LRBA: variants seen among roughly 807,000 people sequenced by gnomAD.
LRBA encodes LPS responsive beige-like anchor protein.
In LRBA, 176 loss-of-function variants were observed where a neutral mutation model predicts 330.0. That is an observed-to-expected ratio of 0.53 (90% confidence interval 0.47 to 0.60). The LOEUF is 0.60. LRBA is among the 20% of genes least tolerant of loss of function. The pLI is 0.00. For synonymous variants in LRBA, 1,230 were observed against 1,193.0 expected, an observed-to-expected ratio of 1.03 and a Z score of -0.64; for missense variants, 3,259 against 3,444.8, an observed-to-expected ratio of 0.95 and a Z score of 1.35.
chr4:150,885,141 T>C (rs1476019460), intron 17 of LRBA, among the ~76,000 whole-genome samples: 1 of 149,852 alleles, frequency 6.7e-6, no homozygotes, highest in Non-Finnish European at 1.5e-5. Context: ...ACACAAATTA[T>C]TCAACCTTTA....
At chr4:150,273,146 G>A (rs1364959085) in intron 56 of LRBA, among the ~76,000 whole-genome samples, 1 of 152,130 alleles carries the variant, frequency 6.6e-6, no homozygotes, top group African/African-American at 2.4e-5. Context: ...AAGAGAGTGG[G>A]GGCCAATATT....
intron 40 of LRBA, among the ~76,000 whole-genome samples, chr4:150,538,442 A>G (rs2152217667): frequency 6.6e-6 from 1 of 152,348 alleles, no homozygotes; most frequent in South Asian, 2.1e-4. Flanking sequence ...TAGATCATGG[A>G]AAACTGCACA....
At chr4:150,464,754 C>A (rs911152851) in intron 44 of LRBA, among the ~76,000 whole-genome samples, 5 of 152,030 alleles carry the variant, frequency 3.3e-5, no homozygotes, top group Admixed American at 1.3e-4. Context: ...ATGTGTCAGT[C>A]ACAACCCATC....
chr4:151,013,656 T>C (rs576738715), intron 2 of LRBA: 1 of 152,136 alleles, frequency 6.6e-6, no homozygotes, highest in South Asian at 2.1e-4. Context: ...AACTTAGGAG[T>C]TTGAGAACAG....
intron 37 of LRBA, among the ~76,000 whole-genome samples, chr4:150,625,870 C>A (rs924237299): frequency 2.0e-5 from 3 of 151,338 alleles, no homozygotes; most frequent in African/African-American, 7.3e-5. Flanking sequence ...CCACCACACC[C>A]GGCTAATTTT....
Position 150,844,789 on chromosome 4 carries a change from A to T in LRBA, c.4340-10T>A. 1 of 1,606,994 alleles carries T rather than the reference A, an allele frequency of 6.2e-7. No individual in the cohort carries two copies. The highest frequency in any genetic ancestry group is 8.5e-7 in the Non-Finnish European group (1 of 1,176,500). On this transcript the variant is annotated splice_polypyrimidine_tract_variant and intron_variant, in intron 26 of 56. Transcript: ENST00000651943. ...ACTGCGACTGCACAAACTGTAATTT[A>T]TTTTAAGGAAAAGATAGGGAAAGAA...
chr4:150,620,515 T>C (rs941562855), intron 37 of LRBA, among the ~76,000 whole-genome samples: 16 of 152,176 alleles, frequency 1.1e-4, no homozygotes, highest in African/African-American at 3.4e-4. Flanking sequence ...CATATGTTTA[T>C]TGCAGCACAA....
intron 51 of LRBA, among the ~76,000 whole-genome samples, chr4:150,311,983 C>G (rs978272058): frequency 3.3e-5 from 5 of 152,060 alleles, no homozygotes; most frequent in Non-Finnish European, 4.4e-5. Context: ...TACTGCAGTA[C>G]TTTGTTCCAC....
At position 150,321,363 on chromosome 4, in the gene LRBA, T is replaced by C; in HGVS notation, c.7458A>G (p.Pro2486=). ...GCTGGGCTTTGTCTGTGAACATCAATGGACTCTGCAGGAGGAGATACTGTT... is the reference window on the plus strand; with the variant it reads ...GCTGGGCTTTGTCTGTGAACATCAACGGACTCTGCAGGAGGAGATACTGTT... ...PPRGSAMQVS[P]LMFTDKAQQD... The change falls in exon 50 of 57, where the codon CCA becomes CCG. Residue 2486 remains proline, a synonymous_variant. Coordinates refer to ENST00000651943, the MANE Select transcript of LRBA (RefSeq NM_001364905.1). The surrounding 1 kb of genome is among the most constrained non-coding windows in gnomAD (Gnocchi z 4.5). The C allele has an allele frequency of 6.3e-7, 1 of 1,596,102 alleles. No homozygotes were observed. The highest frequency in any genetic ancestry group is 2.3e-5 in the East Asian group (1 of 43,694).
chr4:150,357,106 GT>G (rs1737949008), intron 47 of LRBA, among the ~76,000 whole-genome samples: 1 of 151,966 alleles, frequency 6.6e-6, no homozygotes, highest in African/African-American at 2.4e-5. Flanking sequence ...ACTAAAAGGG[GT>G]TCTATACTTC....
intron 37 of LRBA, among the ~76,000 whole-genome samples, chr4:150,641,688 GTTC>G (rs953689039): frequency 1.3e-5 from 2 of 151,946 alleles, no homozygotes; most frequent in Non-Finnish European, 2.9e-5. Context: ...ACCTTTATAT[GTTC>G]TTCTTTATAT....
intron 37 of LRBA, among the ~76,000 whole-genome samples, chr4:150,677,711 G>A (rs1238722794): frequency 2.0e-5 from 3 of 151,778 alleles, no homozygotes; most frequent in Non-Finnish European, 2.9e-5. Flanking sequence ...GGCTGAAGTG[G>A]GAGGATTACT....
At chr4:150,524,413 T>C (rs1763244561) in intron 40 of LRBA, among the ~76,000 whole-genome samples, 2 of 152,140 alleles carry the variant, frequency 1.3e-5, no homozygotes, top group African/African-American at 4.8e-5. Flanking sequence ...GACAGGGTAA[T>C]ATAGCCAGGC....
In LRBA at chr4:150,488,892, C is replaced by T. The variant is rs191420531; in HGVS notation, c.6449-1058G>A. On this transcript the variant is annotated intron_variant, in intron 41 of 56. Coordinates refer to ENST00000651943, the MANE Select transcript of LRBA (RefSeq NM_001364905.1). The stretch of plus-strand genomic sequence containing the variant: ...ATATTTAGTAATGTCATAATATATA[C>T]ACACACATAAGAATATATACACACA... Among the ~76,000 whole-genome samples, 939 of 130,736 alleles carry T rather than the reference C, an allele frequency of 7.2e-3. 4 individuals are homozygous for T. The highest frequency in any genetic ancestry group is 0.015 in the Middle Eastern group (4 of 264). 85.8% of individuals were successfully genotyped at this position (130,736 alleles called of 152,430 possible). A position where few individuals can be genotyped will look rare whatever the true frequency, so the allele number is the denominator to read the frequency against.
At chr4:150,921,347 A>G in intron 4 of LRBA, 54 bp from the exon 5 acceptor site, 1 of 1,042,352 alleles carries the variant, frequency 9.6e-7, no homozygotes, top group Non-Finnish European at 1.5e-6. Flanking sequence ...AAGATAAAAA[A>G]AACACATCTT....
intron 52 of LRBA, 25 bp from the exon 53 acceptor site, chr4:150,302,817 A>C: frequency 6.5e-7 from 1 of 1,532,190 alleles, no homozygotes; most frequent in Non-Finnish European, 8.8e-7. Flanking sequence ...AATTTTCTTT[A>C]AAAATGCTAT....
chr4:150,458,227 A>G (rs1451089415), intron 44 of LRBA, among the ~76,000 whole-genome samples: 2 of 151,984 alleles, frequency 1.3e-5, no homozygotes, highest in African/African-American at 4.8e-5. Context: ...GCCATACAAA[A>G]TAAATGGACT....
intron 47 of LRBA, among the ~76,000 whole-genome samples, chr4:150,377,906 G>C (rs1333957404): frequency 6.6e-6 from 1 of 151,248 alleles, no homozygotes; most frequent in Non-Finnish European, 1.5e-5. Context: ...GGGAAGGGGA[G>C]GTTGCAGTGA....
intron 34 of LRBA, among the ~76,000 whole-genome samples, chr4:150,790,943 A>T (rs1166023234): frequency 2.6e-5 from 4 of 152,226 alleles, no homozygotes; most frequent in Non-Finnish European, 2.9e-5. Context: ...CATAGGTAGT[A>T]ACAATAACAA....
Sources: allele counts gnomAD v4.1 joint callset (sites outside exome capture counted in the v4.1 genomes callset), GRCh38; gene constraint gnomAD v4.1.1; non-coding constraint Gnocchi (gnomAD v3.1); transcripts MANE v1.5; gene names NCBI Gene and HGNC (gene_info 2026-07-23, HGNC 2026-07-21).